RCL1: variants seen among roughly 807,000 people sequenced by gnomAD.
RCL1 encodes the protein RNA 3'-terminal phosphate cyclase-like protein.
A neutral mutation model predicts 42.4 loss-of-function variants in RCL1; 24 were observed. The ratio of observed to expected loss-of-function variants is 0.57; its 90% CI spans 0.41 to 0.80. RCL1 has a LOEUF of 0.80. RCL1 is among the 30% of genes least tolerant of loss of function. The pLI is 0.00. For missense variants in RCL1, 578 were observed against 467.9 expected, an observed-to-expected ratio of 1.24 and a Z score of -2.17; for synonymous variants, 228 against 177.3, an observed-to-expected ratio of 1.29 and a Z score of -2.27.
chr9:4,800,772 C>A (rs1303309952), intron 1 of RCL1, among the ~76,000 whole-genome samples: 1 of 151,630 alleles, frequency 6.6e-6, no homozygotes, highest in African/African-American at 2.4e-5. Context: ...CCTGCCTCAG[C>A]CTCCAGAGCA....
rs57564910 is a variant in RCL1 at position 4,853,528 on chromosome 9, A to C, written c.971+3978A>C. Among the ~76,000 whole-genome samples, 1,133 of 152,104 alleles carry C rather than the reference A, an allele frequency of 7.4e-3. 13 individuals carry two copies. The highest frequency in any genetic ancestry group is 0.026 in the African/African-American group (1,072 of 41,478). On this transcript the variant is annotated intron_variant, in intron 8 of 8. Coordinates refer to ENST00000381750, the MANE Select transcript of RCL1 (RefSeq NM_005772.5). ...AGTAGAGACGGGGTTTCATCGTGTT[A>C]GCCAGGATGATCTCGATCTCCTGAC...
At chr9:4,839,959 G>A in intron 5 of RCL1, 1 of 960,100 alleles carries the variant, frequency 1.0e-6, no homozygotes, top group Non-Finnish European at 1.2e-6. Flanking sequence ...AGCTCAGGTT[G>A]AGGAATTTGG....
intron 2 of RCL1, among the ~76,000 whole-genome samples, chr9:4,824,428 C>T (rs1473121887): frequency 2.9e-5 from 4 of 139,536 alleles, no homozygotes; most frequent in African/African-American, 5.3e-5. Context: ...ACTTTCCCTT[C>T]CAGCACATGC....
At chr9:4,826,200 C>T (rs1251941154) in intron 2 of RCL1, among the ~76,000 whole-genome samples, 1 of 152,100 alleles carries the variant, frequency 6.6e-6, no homozygotes, top group Non-Finnish European at 1.5e-5. Flanking sequence ...AAGCTGTGAT[C>T]ATGCCGCTGT....
At chr9:4,828,559 T>G (rs1359205638) in intron 3 of RCL1, among the ~76,000 whole-genome samples, 1 of 151,534 alleles carries the variant, frequency 6.6e-6, no homozygotes, top group African/African-American at 2.4e-5. Flanking sequence ...TTTTTTTTTT[T>G]GCATTTTCTA....
At chr9:4,846,568 A>G (rs1185292513) in intron 7 of RCL1, among the ~76,000 whole-genome samples, 1 of 151,918 alleles carries the variant, frequency 6.6e-6, no homozygotes, top group Non-Finnish European at 1.5e-5. Flanking sequence ...ACTTATTTGT[A>G]GGGGGGCGGG....
In RCL1 at chr9:4,797,454, C is replaced by T. The variant is rs139639376; in HGVS notation, c.136+4227C>T. ...GTATTTCTATGTTATATGTAAAGCA[C>T]AGTAGTTTTCAACCAGGGGCACTTT... On this transcript the variant is annotated intron_variant, in intron 1 of 8. Transcript: ENST00000381750. Among the ~76,000 whole-genome samples, 147 of 152,246 alleles carry T rather than the reference C, an allele frequency of 9.7e-4. 2 individuals carry two copies. Among genetic ancestry groups the T allele is most frequent in the African/African-American group, 3.3e-3 (138 of 41,544 alleles).
At chr9:4,793,280 G>T in intron 1 of RCL1, 53 bp downstream of exon 1, 1 of 1,529,278 alleles carries the variant, frequency 6.5e-7, no homozygotes, top group South Asian at 1.2e-5. Context: ...AGGGGAGACC[G>T]AGCTGATGCC....
intron 3 of RCL1, among the ~76,000 whole-genome samples, chr9:4,832,588 T>C (rs752264498): frequency 6.6e-6 from 1 of 151,844 alleles, no homozygotes; most frequent in Non-Finnish European, 1.5e-5. Flanking sequence ...AGGTGGCAGA[T>C]TACAAGTTCA....
At chr9:4,818,636 A>G (rs1048696021) in intron 1 of RCL1, among the ~76,000 whole-genome samples, 3 of 152,128 alleles carry the variant, frequency 2.0e-5, no homozygotes, top group Admixed American at 6.5e-5. Flanking sequence ...TAATCCCAGC[A>G]CTTTGGGAGG....
intron 8 of RCL1, among the ~76,000 whole-genome samples, chr9:4,850,983 C>T (rs1817726626): frequency 6.6e-6 from 1 of 152,108 alleles, no homozygotes. Flanking sequence ...TTTGGCAGAA[C>T]ATTCTGTGAA....
intron 3 of RCL1, among the ~76,000 whole-genome samples, chr9:4,827,918 G>A (rs1378930846): frequency 1.3e-5 from 2 of 152,080 alleles, no homozygotes; most frequent in Non-Finnish European, 2.9e-5. Context: ...CGGGCGCAGT[G>A]GCTTACGCCT....
intron 1 of RCL1, among the ~76,000 whole-genome samples, chr9:4,819,690 C>G (rs1415460035): frequency 6.6e-6 from 1 of 152,174 alleles, no homozygotes; most frequent in Non-Finnish European, 1.5e-5. Context: ...GCCTGTAGTC[C>G]CAGCTACTCG....
chr9:4,828,881 A>G (rs182205132), intron 3 of RCL1, among the ~76,000 whole-genome samples: 65 of 152,350 alleles, frequency 4.3e-4, no homozygotes, highest in African/African-American at 9.9e-4. Flanking sequence ...CTGCATGACT[A>G]AAATGACCTT....
At chr9:4,796,750 C>T (rs1299516541) in intron 1 of RCL1, among the ~76,000 whole-genome samples, 1 of 151,960 alleles carries the variant, frequency 6.6e-6, no homozygotes, top group African/African-American at 2.4e-5. Flanking sequence ...GTATATATAC[C>T]ACATTTTCTT....
intron 2 of RCL1, among the ~76,000 whole-genome samples, chr9:4,826,210 T>C (rs775013271): frequency 6.6e-6 from 1 of 152,148 alleles, no homozygotes; most frequent in East Asian, 1.9e-4. Flanking sequence ...CATGCCGCTG[T>C]ACTCCAGCTT....
chr9:4,798,300 A>G (rs1050538261), intron 1 of RCL1, among the ~76,000 whole-genome samples: 7 of 152,252 alleles, frequency 4.6e-5, no homozygotes, highest in African/African-American at 1.4e-4. Context: ...TAAATGGAAG[A>G]GAATCCCACC....
chr9:4,840,786 T>A (rs1378100844), intron 5 of RCL1, among the ~76,000 whole-genome samples: 1 of 152,194 alleles, frequency 6.6e-6, no homozygotes, highest in African/African-American at 2.4e-5. Context: ...TCCTGTGTGG[T>A]GTCTGTTCTG....
intron 1 of RCL1, among the ~76,000 whole-genome samples, chr9:4,810,370 AT>A (rs1816131175): frequency 6.6e-6 from 1 of 152,150 alleles, no homozygotes; most frequent in Non-Finnish European, 1.5e-5. Context: ...TAAGCATTAA[AT>A]TTTTAACACC....
Sources: allele counts gnomAD v4.1 joint callset (sites outside exome capture counted in the v4.1 genomes callset), GRCh38; gene constraint gnomAD v4.1.1; transcripts MANE v1.5; gene names NCBI Gene and HGNC (gene_info 2026-07-23, HGNC 2026-07-21).